Variants in CLMP observed in about 807,000 individuals in gnomAD.
CLMP encodes CXADR like cell adhesion molecule.
Under a neutral mutation model 45.2 loss-of-function variants are expected in CLMP, and 27 were observed. The ratio of observed to expected loss-of-function variants is 0.60; its 90% confidence interval spans 0.44 to 0.82. CLMP has a LOEUF of 0.82. CLMP is among the 40% of genes least tolerant of loss of function. The probability of loss-of-function intolerance (pLI) is 0.00; values close to 1 mark genes in which losing one functional copy is unlikely to be tolerated. For synonymous variants in CLMP, 167 were observed against 171.4 expected, an observed-to-expected ratio of 0.97 and a Z score of 0.20; for missense variants, 403 against 448.4, an observed-to-expected ratio of 0.90 and a Z score of 0.91.
chr11:123,112,964 G>A (rs1376014944), intron 1 of CLMP, among the ~76,000 whole-genome samples: 1 of 151,918 alleles, frequency 6.6e-6, no homozygotes, highest in African/African-American at 2.4e-5. Context: ...TAGTAGAGAC[G>A]GGGTTTCACC....
At chr11:123,146,737 C>T (rs754446136) in intron 1 of CLMP, among the ~76,000 whole-genome samples, 4 of 152,162 alleles carry the variant, frequency 2.6e-5, no homozygotes, top group Non-Finnish European at 5.9e-5. Flanking sequence ...ATCATTGTCA[C>T]CCCCAGACCT....
At chr11:123,119,052 CCTCTCTCTCTCTCTCT>C (rs759949891) in intron 1 of CLMP, among the ~76,000 whole-genome samples, 823 of 19,434 alleles carry the variant, frequency 0.042, 45 homozygotes, top group East Asian at 0.064. Context: ...TCTCCCTCTC[CCTCTCTCTCTCTCTCT>C]CTCTCTCTCT....
chr11:123,078,750 T>C (rs1865769118), intron 5 of CLMP, among the ~76,000 whole-genome samples: 1 of 150,474 alleles, frequency 6.6e-6, no homozygotes, highest in East Asian at 2.0e-4. Context: ...GTTCACACCA[T>C]TCTCCTGCCT....
At chr11:123,075,687 A>G (rs746825736) in intron 5 of CLMP, among the ~76,000 whole-genome samples, 26 of 151,866 alleles carry the variant, frequency 1.7e-4, no homozygotes, top group Non-Finnish European at 3.8e-4. Flanking sequence ...GCGCGCAACC[A>G]AGTGGTTATG....
chr11:123,116,836 T>C (rs1334014231), intron 1 of CLMP, among the ~76,000 whole-genome samples: 2 of 152,184 alleles, frequency 1.3e-5, no homozygotes, highest in African/African-American at 4.8e-5. Flanking sequence ...ATATTTTGAG[T>C]TTTATTATGC....
intron 1 of CLMP, among the ~76,000 whole-genome samples, chr11:123,117,934 G>A (rs1046137501): frequency 6.6e-6 from 1 of 152,116 alleles, no homozygotes; most frequent in Non-Finnish European, 1.5e-5. Flanking sequence ...TTTGTGTACA[G>A]CACTAAAGAA....
At chr11:123,093,056 C>T (rs770774373) in intron 2 of CLMP, among the ~76,000 whole-genome samples, 3 of 151,084 alleles carry the variant, frequency 2.0e-5, no homozygotes, top group Admixed American at 6.6e-5. Flanking sequence ...TACAGGCACC[C>T]GCCATCACTC....
intron 1 of CLMP, among the ~76,000 whole-genome samples, chr11:123,122,301 G>C (rs1000793550): frequency 6.6e-6 from 1 of 152,142 alleles, no homozygotes. Flanking sequence ...GTGAGCCACT[G>C]TGCCAGGTAC....
Position 123,084,420 on chromosome 11 carries a change from A to G in CLMP, c.388+92T>C. On this transcript the variant is annotated intron_variant, in intron 3 of 6. Coordinates refer to ENST00000448775, the MANE Select transcript of CLMP (RefSeq NM_024769.5). ...GAATGTGTAATCCAAAGTACTGAAC[A>G]TGATGTTTTGTACCACCGTGATGCA... 7 of 1,023,938 alleles carry G rather than the reference A, an allele frequency of 6.8e-6. No homozygotes were observed. The South Asian group carries it at 9.7e-5, about 14-fold the overall frequency. The allele number at this position is 1,023,938 out of a possible 1,614,324, so 63.4% of individuals were successfully genotyped here.
chr11:123,161,263 A>G (rs1025851826), intron 1 of CLMP, among the ~76,000 whole-genome samples: 12 of 152,326 alleles, frequency 7.9e-5, no homozygotes, highest in South Asian at 4.1e-4. Context: ...TAGAACTGAG[A>G]CAGATGGAGC....
chr11:123,168,900 G>A (rs938725359), intron 1 of CLMP, among the ~76,000 whole-genome samples: 4 of 152,206 alleles, frequency 2.6e-5, no homozygotes, highest in South Asian at 2.1e-4. Context: ...ATCTACTCCC[G>A]GCTTTGCACA....
chr11:123,110,076 C>T (rs1192364953), intron 1 of CLMP, among the ~76,000 whole-genome samples: 2 of 152,150 alleles, frequency 1.3e-5, no homozygotes, highest in Non-Finnish European at 2.9e-5. Context: ...GCATTTTGTT[C>T]CTTTGGTCAG....
intron 1 of CLMP, among the ~76,000 whole-genome samples, chr11:123,118,651 G>T (rs111278954): frequency 6.6e-6 from 1 of 152,114 alleles, no homozygotes; most frequent in South Asian, 2.1e-4. Context: ...CATTAAAGTG[G>T]CAAGAATAGA....
At chr11:123,174,386 G>A (rs1861672928) in intron 1 of CLMP, among the ~76,000 whole-genome samples, 2 of 152,314 alleles carry the variant, frequency 1.3e-5, no homozygotes, top group African/African-American at 4.8e-5. Flanking sequence ...TTAATGGGAA[G>A]GGATGGCATA....
In CLMP at chr11:123,074,581, A is replaced by G. The variant is rs1591446899; in HGVS notation, c.821+121T>C. 4 of 1,008,832 alleles carry G rather than the reference A, an allele frequency of 4.0e-6. No individual in the cohort carries two copies. In the African/African-American group the frequency reaches 6.5e-5, roughly 16 times the overall value. 62.5% of individuals were successfully genotyped at this position (1,008,832 alleles called of 1,614,324 possible). ...CCTAGGCTGGAACTTCCTACCTACC[A>G]GGATAATCCTTTTAACAGATTCATG... is the stretch of plus-strand genomic sequence containing the variant. On this transcript the variant is annotated intron_variant, in intron 6 of 6. Transcript: ENST00000448775.
chr11:123,132,253 C>T (rs756933729), intron 1 of CLMP, among the ~76,000 whole-genome samples: 3 of 152,038 alleles, frequency 2.0e-5, no homozygotes, highest in African/African-American at 7.2e-5. Context: ...GGCACACGGC[C>T]GGTGAGTGGG....
In CLMP at chr11:123,194,972, C is replaced by G. The variant is rs1359704194; in HGVS notation, c.-32G>C. ...CCCCGGACGCGGGCGCTTCCCCGCT[C>G]AGCTGCTGCTTGGCTCCGGGGCGGC... On this transcript the variant is annotated 5_prime_UTR_variant, in exon 1 of 7. It removes the in-frame stop codon of an upstream open reading frame in the 5' UTR. Transcript: ENST00000448775. The G allele has an allele frequency of 1.2e-6, 2 of 1,609,564 alleles. No individual in the cohort carries two copies. Among genetic ancestry groups the G allele is most frequent in the South Asian group, 2.2e-5 (2 of 90,778 alleles).
chr11:123,084,448 T>G (rs1865841059), intron 3 of CLMP, 64 bp downstream of exon 3: 1 of 1,349,376 alleles, frequency 7.4e-7, no homozygotes, highest in Admixed American at 1.7e-5. Context: ...GTGATGCATA[T>G]GGCTATCCCT....
chr11:123,072,351 C>G lies in CLMP; in HGVS notation c.*1123G>C, dbSNP rs1298855843. The stretch of plus-strand genomic sequence containing the variant: ...TGAGATGGAGTCTTGCTTTGTCACC[C>G]AGGCTGGAGTGCAATGGCATAATCT... On this transcript the variant is annotated 3_prime_UTR_variant, in exon 7 of 7. Transcript: ENST00000448775. 6.6e-6 allele frequency: 1 copy of G among 151,498 alleles called. No homozygotes were observed. The highest frequency in any genetic ancestry group is 1.5e-5 in the Non-Finnish European group (1 of 67,976). The allele number at this position is 151,498 out of a possible 1,614,324, so 9.4% of individuals were successfully genotyped here.
Sources: gnomAD v4.1 joint callset for allele counts (sites outside exome capture counted in the v4.1 genomes callset) on GRCh38, gnomAD v4.1.1 for gene constraint, MANE v1.5 for transcripts, NCBI Gene and HGNC (gene_info 2026-07-23, HGNC 2026-07-21) for gene names.